LOC400499: variants seen among roughly 807,000 people sequenced by gnomAD.
chr16:11,454,696 C>A, the LOC400499 span, among the ~76,000 whole-genome samples: 1 of 152,228 alleles, frequency 6.6e-6, no homozygotes, highest in Non-Finnish European at 1.5e-5. Context: ...GAACAAATTT[C>A]TGTTGCTTTA....
At chr16:11,474,706 A>C in the LOC400499 span, among the ~76,000 whole-genome samples, 1 of 147,512 alleles carries the variant, frequency 6.8e-6, no homozygotes, top group Non-Finnish European at 1.5e-5. Context: ...CAAAATACAA[A>C]AAAAAAAAAA....
At chr16:11,520,829 C>T in the LOC400499 span, among the ~76,000 whole-genome samples, 3 of 152,112 alleles carry the variant, frequency 2.0e-5, no homozygotes. Flanking sequence ...GTGATTTTTA[C>T]ACTTTTTTCT....
the LOC400499 span, chr16:11,449,000 C>A: frequency 6.6e-7 from 1 of 1,524,106 alleles, no homozygotes. Context: ...TCTTACGGTC[C>A]CGGCTGTTCT....
the LOC400499 span, among the ~76,000 whole-genome samples, chr16:11,491,161 G>C: frequency 1.3e-5 from 2 of 152,338 alleles, no homozygotes; most frequent in South Asian, 2.1e-4. Flanking sequence ...CAGGAAGGAA[G>C]AGGTGAAGCT....
At chr16:11,445,825 C>G in the LOC400499 span, among the ~76,000 whole-genome samples, 1 of 128,852 alleles carries the variant, frequency 7.8e-6, no homozygotes, top group Non-Finnish European at 1.6e-5. Flanking sequence ...AGAACCCAGT[C>G]AGGAGAACCT....
the LOC400499 span, among the ~76,000 whole-genome samples, chr16:11,380,272 C>A: frequency 1.3e-5 from 2 of 151,272 alleles, no homozygotes; most frequent in Non-Finnish European, 2.9e-5. Flanking sequence ...GAAGGACTCC[C>A]TTTAGCATTT....
chr16:11,423,266 C>T, the LOC400499 span: 2 of 399,082 alleles, frequency 5.0e-6, no homozygotes, highest in Non-Finnish European at 8.8e-6. Context: ...CCTACAGAGA[C>T]CAGTGGGTGG....
chr16:11,405,589 G>A, the LOC400499 span, among the ~76,000 whole-genome samples: 15 of 152,160 alleles, frequency 9.9e-5, no homozygotes, highest in African/African-American at 2.9e-4. Context: ...GCCACAGTCC[G>A]AGGGTGACTT....
the LOC400499 span, among the ~76,000 whole-genome samples, chr16:11,426,161 C>T: frequency 3.9e-5 from 6 of 152,296 alleles, no homozygotes; most frequent in Admixed American, 6.5e-5. Flanking sequence ...ACTGGCCAGG[C>T]GCGGTGGCTC....
chr16:11,432,488 G>A, the LOC400499 span, among the ~76,000 whole-genome samples: 2 of 152,178 alleles, frequency 1.3e-5, no homozygotes, highest in Non-Finnish European at 2.9e-5. Flanking sequence ...TATGCCCAAA[G>A]CTCAAATAAG....
At chr16:11,471,801 GC>G in the LOC400499 span, 2 of 399,212 alleles carry the variant, frequency 5.0e-6, no homozygotes, top group East Asian at 7.1e-5. Context: ...ACAGTCGCCA[GC>G]CCCAGGTGTA....
chr16:11,500,618 G>C, the LOC400499 span, among the ~76,000 whole-genome samples: 1 of 152,030 alleles, frequency 6.6e-6, no homozygotes, highest in Non-Finnish European at 1.5e-5. Context: ...CTTGAACCCG[G>C]AATTCTCTGA....
At chr16:11,457,902 C>T in the LOC400499 span, among the ~76,000 whole-genome samples, 60 of 151,980 alleles carry the variant, frequency 3.9e-4, no homozygotes, top group Non-Finnish European at 7.5e-4. Context: ...GTAAAATAAG[C>T]CAGTCAAAAA....
the LOC400499 span, among the ~76,000 whole-genome samples, chr16:11,485,474 G>A: frequency 6.6e-6 from 1 of 152,044 alleles, no homozygotes. Flanking sequence ...GCACCTGCAC[G>A]ACCTCCCCTG....
At chr16:11,489,693 C>G in the LOC400499 span, among the ~76,000 whole-genome samples, 1 of 152,206 alleles carries the variant, frequency 6.6e-6, no homozygotes, top group African/African-American at 2.4e-5. Flanking sequence ...ACTGTGGAGG[C>G]TGAGCCCCTC....
At chr16:11,468,239 C>G in the LOC400499 span, among the ~76,000 whole-genome samples, 21 of 152,356 alleles carry the variant, frequency 1.4e-4, no homozygotes, top group African/African-American at 4.3e-4. Context: ...GAAATGAACA[C>G]AGATTTCTCA....
the LOC400499 span, among the ~76,000 whole-genome samples, chr16:11,443,215 T>A: frequency 6.7e-6 from 1 of 150,172 alleles, no homozygotes; most frequent in African/African-American, 2.5e-5. Context: ...TCCCAGCTAC[T>A]CGGGAGGCTG....
chr16:11,410,703 G>A, the LOC400499 span, among the ~76,000 whole-genome samples: 1 of 44,144 alleles, frequency 2.3e-5, no homozygotes, highest in African/African-American at 1.0e-4. Flanking sequence ...ACCTATTCAT[G>A]CCCTATTTTT....
the LOC400499 span, chr16:11,472,083 T>C: frequency 5.9e-5 from 21 of 354,782 alleles, no homozygotes; most frequent in Non-Finnish European, 9.5e-5. Flanking sequence ...TGGATCCCCA[T>C]CCACTAGATG....
Sources: gnomAD v4.1 joint callset for allele counts (sites outside exome capture counted in the v4.1 genomes callset) on GRCh38, gnomAD v4.1.1 for gene constraint, MANE v1.5 for transcripts.